The following NKAIN3 variants were observed in gnomAD, a reference collection of about 807,000 sequenced individuals.
NKAIN3 encodes sodium/potassium-transporting ATPase subunit beta-1-interacting protein 3.
NKAIN3 carries 25 observed loss-of-function variants against 30.2 expected under a neutral mutation model. That is an observed-to-expected ratio of 0.83 (90% CI 0.60 to 1.16). The LOEUF (loss-of-function observed/expected upper bound fraction) is 1.16. Ranked by LOEUF, NKAIN3 falls within the 50% of genes most tolerant of loss-of-function variation. NKAIN3 has a pLI of 0.00. For synonymous variants in NKAIN3, 91 were observed against 89.6 expected, an observed-to-expected ratio of 1.02 and a Z score of -0.09; for missense variants, 225 against 254.1, an observed-to-expected ratio of 0.89 and a Z score of 0.78.
intron 1 of NKAIN3, among the ~76,000 whole-genome samples, chr8:62,332,826 A>G (rs1396077210): frequency 1.3e-5 from 2 of 152,160 alleles, no homozygotes; most frequent in African/African-American, 4.8e-5. Flanking sequence ...CAGGAGTTCA[A>G]GACCAGCCTG....
chr8:62,991,823 G>T (rs541256364), intron 5 of NKAIN3, among the ~76,000 whole-genome samples: 1 of 152,102 alleles, frequency 6.6e-6, no homozygotes, highest in Non-Finnish European at 1.5e-5. Context: ...TTAATTGAAC[G>T]TGTCTTTAAG....
intron 1 of NKAIN3, among the ~76,000 whole-genome samples, chr8:62,452,582 GA>G (rs1805677530): frequency 6.6e-6 from 1 of 152,124 alleles, no homozygotes; most frequent in Non-Finnish European, 1.5e-5. Flanking sequence ...CTTAAATATT[GA>G]AGGTGTTCTC....
intron 4 of NKAIN3, among the ~76,000 whole-genome samples, chr8:62,810,222 T>G (rs1036641549): frequency 6.6e-6 from 1 of 152,156 alleles, no homozygotes; most frequent in Non-Finnish European, 1.5e-5. Context: ...ATAAATGACT[T>G]TTGTAATACA....
chr8:62,314,910 G>A (rs1204365667), intron 1 of NKAIN3, among the ~76,000 whole-genome samples: 2 of 152,100 alleles, frequency 1.3e-5, no homozygotes, highest in East Asian at 3.9e-4. Flanking sequence ...AACTGATTCA[G>A]GAGTTTAAAT....
chr8:62,744,542 T>C lies in NKAIN3; in HGVS notation c.274-2390T>C, dbSNP rs60709086. Among the ~76,000 whole-genome samples the C allele has an allele frequency of 6.2e-3, 946 of 152,326 alleles. 10 individuals are homozygous for C. Among genetic ancestry groups the C allele is most frequent in the South Asian group, 0.031 (151 of 4,830 alleles). ...AATGCTTAAGGAATGGAAATCGCTA[T>C]GAATTTTGAGATCATGCTAGTTCAT... On this transcript the variant is annotated intron_variant, in intron 3 of 6. Transcript: ENST00000623646.
At chr8:62,596,795 G>A (rs1473358471) in intron 3 of NKAIN3, among the ~76,000 whole-genome samples, 1 of 151,984 alleles carries the variant, frequency 6.6e-6, no homozygotes, top group Admixed American at 6.6e-5. Flanking sequence ...AGGTCCCCTC[G>A]AACAGCATAG....
At chr8:62,860,497 A>T (rs1820208407) in intron 4 of NKAIN3, among the ~76,000 whole-genome samples, 1 of 152,226 alleles carries the variant, frequency 6.6e-6, no homozygotes, top group Non-Finnish European at 1.5e-5. Context: ...CATTGCAGAT[A>T]ATTTACACTA....
intron 3 of NKAIN3, among the ~76,000 whole-genome samples, chr8:62,601,284 G>A (rs1810976042): frequency 6.6e-6 from 1 of 151,678 alleles, no homozygotes; most frequent in Non-Finnish European, 1.5e-5. Context: ...TTCCTACCTG[G>A]ACATTTTTCA....
chr8:62,642,888 G>A (rs551404872), intron 3 of NKAIN3, among the ~76,000 whole-genome samples: 1 of 152,064 alleles, frequency 6.6e-6, no homozygotes, highest in East Asian at 1.9e-4. Context: ...ACAAAAAGAG[G>A]CATGCATTTT....
At chr8:62,751,834 G>GTGTGTGTGTGTGTGTGTGTGTA (rs1816293622) in intron 4 of NKAIN3, among the ~76,000 whole-genome samples, 3 of 152,036 alleles carry the variant, frequency 2.0e-5, no homozygotes, top group African/African-American at 7.2e-5. Context: ...GTGTGTGTGT[G>GTGTGTGTGTGTGTGTGTGTGTA]TGTGTGTATG....
intron 1 of NKAIN3, among the ~76,000 whole-genome samples, chr8:62,398,478 T>C (rs967464187): frequency 1.3e-5 from 2 of 152,252 alleles, no homozygotes; most frequent in Non-Finnish European, 2.9e-5. Flanking sequence ...TGCAAGAACT[T>C]CCATTGCATA....
Position 62,980,270 on chromosome 8 carries a change from T to C in NKAIN3, c.*14863T>C, listed in dbSNP as rs533411860. The C allele has an allele frequency of 4.9e-4, 74 of 152,366 alleles. No homozygotes were observed. The highest frequency in any genetic ancestry group is 1.7e-3 in the African/African-American group (71 of 41,588). 9.4% of individuals were successfully genotyped at this position (152,366 alleles called of 1,614,324 possible). A position where few individuals can be genotyped will look rare whatever the true frequency, so the allele number is the denominator to read the frequency against. ...ATCAGTGCTAAAGTCACTTTTTAAC[T>C]GCCTCACATACTATCATTTCTTTGA... On this transcript the variant is annotated 3_prime_UTR_variant, in exon 7 of 7. Transcript: ENST00000623646.
At chr8:62,912,310 C>G (rs927220954) in intron 4 of NKAIN3, among the ~76,000 whole-genome samples, 1 of 151,780 alleles carries the variant, frequency 6.6e-6, no homozygotes, top group Non-Finnish European at 1.5e-5. Flanking sequence ...GGTGAGGGAG[C>G]GATGGGTGAA....
At chr8:62,529,978 A>C (rs1808437238) in intron 1 of NKAIN3, among the ~76,000 whole-genome samples, 1 of 152,192 alleles carries the variant, frequency 6.6e-6, no homozygotes, top group Admixed American at 6.5e-5. Flanking sequence ...TGGCTCGGCT[A>C]TCTGCCCAGC....
intron 1 of NKAIN3, among the ~76,000 whole-genome samples, chr8:62,326,009 ATTAGT>A (rs1373012545): frequency 3.3e-5 from 5 of 151,850 alleles, no homozygotes; most frequent in African/African-American, 9.7e-5. Flanking sequence ...TTTTAGTTTA[ATTAGT>A]TTAATTAGCT....
intron 4 of NKAIN3, among the ~76,000 whole-genome samples, chr8:62,761,698 G>A (rs1047316277): frequency 2.0e-5 from 3 of 152,178 alleles, no homozygotes; most frequent in Non-Finnish European, 1.5e-5. Context: ...ACTCCAGTTG[G>A]AAGTATGGCT....
intron 1 of NKAIN3, among the ~76,000 whole-genome samples, chr8:62,501,299 C>A (rs894903211): frequency 2.0e-5 from 3 of 152,222 alleles, no homozygotes; most frequent in African/African-American, 7.2e-5. Flanking sequence ...ACCCTCATGA[C>A]CTTATTAAAT....
intron 3 of NKAIN3, among the ~76,000 whole-genome samples, chr8:62,635,273 C>A (rs1812091841): frequency 1.3e-5 from 2 of 152,178 alleles, no homozygotes; most frequent in Admixed American, 1.3e-4. Context: ...TGAGCTCTCT[C>A]AATCATTATT....
rs534177275 is a variant in NKAIN3, at chr8:62,248,954, C to G, written c.-120C>G. 1.1e-6 allele frequency: 1 copy of G among 889,750 alleles called. No individual in the cohort carries two copies. The highest frequency in any genetic ancestry group is 1.6e-6 in the Non-Finnish European group (1 of 614,054). The allele number at this position is 889,750 out of a possible 1,614,324, so 55.1% of individuals were successfully genotyped here. ...CCCCGAGCCCTGGAGCCGCGAGCGG[C>G]GGCCGCGGGGCCGAGGAGCCTGGGC... On this transcript the variant is annotated 5_prime_UTR_variant, in exon 1 of 7. Transcript: ENST00000623646.
Sources: allele counts gnomAD v4.1 joint callset (sites outside exome capture counted in the v4.1 genomes callset), GRCh38; gene constraint gnomAD v4.1.1; transcripts MANE v1.5; gene names NCBI Gene and HGNC (gene_info 2026-07-23, HGNC 2026-07-21).